ZNF862: variants seen among roughly 807,000 people sequenced by gnomAD.
The protein encoded by ZNF862 is zinc finger protein 862.
A neutral mutation model predicts 91.1 loss-of-function variants in ZNF862; 64 were observed. The ratio of observed to expected loss-of-function variants is 0.70; its 90% CI spans 0.57 to 0.87. The LOEUF (loss-of-function observed/expected upper bound fraction) is 0.87. ZNF862 is among the 40% of genes least tolerant of loss of function. The pLI is 0.00. For missense variants in ZNF862, 1,459 were observed against 1,528.0 expected (o/e 0.95, Z 0.75); for synonymous variants, 631 against 618.1 (o/e 1.02, Z -0.31).
chr7:149,857,647 T>C (rs1342644783), intron 5 of ZNF862, among the ~76,000 whole-genome samples: 2 of 152,194 alleles, frequency 1.3e-5, no homozygotes, highest in Non-Finnish European at 2.9e-5. Context: ...GGAAGCCCTG[T>C]GCATGGCTGC....
intron 2 of ZNF862, 120 bp downstream of exon 2, chr7:149,844,856 A>G (rs1339157503): frequency 3.0e-6 from 2 of 674,556 alleles, no homozygotes; most frequent in Non-Finnish European, 5.3e-6. Context: ...AGGCATCTTT[A>G]CTCCACCTGT....
intron 1 of ZNF862, 48 bp downstream of exon 1, chr7:149,838,683 C>T (rs1801602838): frequency 3.4e-6 from 4 of 1,180,872 alleles, no homozygotes; most frequent in Non-Finnish European, 4.3e-6. Flanking sequence ...CGAGGATCCC[C>T]GAGCCGGGCT....
chr7:149,865,151 T>TC lies in ZNF862; in HGVS notation c.*871dup, dbSNP rs1355908827. On this transcript the variant is annotated 3_prime_UTR_variant, in exon 8 of 8. Transcript: ENST00000223210. Reference sequence around the variant, plus strand: ...AGCAGAGATCCAAGTGCCTGCTGACTCCCCATCTGCCCTAGGATTAGTGAA... The same window carrying TC: ...AGCAGAGATCCAAGTGCCTGCTGACTCCCCCATCTGCCCTAGGATTAGTGAA... The TC allele has an allele frequency of 6.6e-6, 1 of 152,258 alleles. No individual in the cohort carries two copies. The highest frequency in any genetic ancestry group is 1.5e-5 in the Non-Finnish European group (1 of 68,106). The allele number at this position is 152,258 out of a possible 1,614,324, so 9.4% of individuals were successfully genotyped here. A position where few individuals can be genotyped will look rare whatever the true frequency, so the allele number is the denominator to read the frequency against.
rs1347282172 is a variant in ZNF862, at chr7:149,864,889, A to C, written c.*605A>C. On this transcript the variant is annotated 3_prime_UTR_variant, in exon 8 of 8. Transcript: ENST00000223210. ...AAGCCCTTTGCACAGAGCACCCAAGAAAGTTCTCTTCCTGCAGCTCCAGAT... is the reference window on the plus strand; with the variant it reads ...AAGCCCTTTGCACAGAGCACCCAAGCAAGTTCTCTTCCTGCAGCTCCAGAT... 6.6e-6 allele frequency: 1 copy of C among 152,284 alleles called. No individual in the cohort carries two copies. Among genetic ancestry groups the C allele is most frequent in the African/African-American group, 2.4e-5 (1 of 41,454 alleles). The allele number at this position is 152,284 out of a possible 1,614,324, so 9.4% of individuals were successfully genotyped here. A position where few individuals can be genotyped will look rare whatever the true frequency, so the allele number is the denominator to read the frequency against.
In ZNF862 at chr7:149,862,081, G is replaced by T. The variant is rs1365583812; in HGVS notation, c.2921G>T (p.Arg974Met). 6.2e-7 allele frequency: 1 copy of T among 1,613,674 alleles called. No individual in the cohort carries two copies. Among genetic ancestry groups the T allele is most frequent in the Non-Finnish European group, 8.5e-7 (1 of 1,179,890 alleles). ...AATGATGACATTCTCAACCTGGCCA[G>T]GTATTTCGAGTGCTCCCTCCCAACA... is the stretch of plus-strand genomic sequence containing the variant. The part of the protein sequence containing the change: ...FGNDDILNLA[R>M]YFECSLPTGY... Residue 974 changes from arginine (R) to methionine (M), a missense_variant, in exon 7 of 8, where the codon AGG becomes ATG. Arg to Met is a moderately conservative substitution (Grantham distance 91). Coordinates refer to ENST00000223210, the MANE Select transcript of ZNF862 (RefSeq NM_001099220.3).
chr7:149,863,020 G>A (rs950875297), intron 7 of ZNF862, among the ~76,000 whole-genome samples: 1 of 152,222 alleles, frequency 6.6e-6, no homozygotes, highest in South Asian at 2.1e-4. Flanking sequence ...CCATGTGGCT[G>A]TGGAGGAGGT....
Position 149,861,272 on chromosome 7 carries a change from C to T in ZNF862, c.2112C>T (p.Cys704=). The change falls in exon 7 of 8, where the codon TGC becomes TGT. Residue 704 remains cysteine (C), a synonymous_variant. Transcript: ENST00000223210. This position sits in a 1 kb window ranked among gnomAD's most constrained non-coding sequence, Gnocchi z 6.7. The part of the protein sequence containing the change: ...LGTDGSAMLS[C]RGGLVEKFQE... Reference sequence around the variant, plus strand: ...CGGATGGCTCAGCCATGTTGAGCTGCAGAGGAGGCCTTGTGGAAAAGTTCC... The same window carrying T: ...CGGATGGCTCAGCCATGTTGAGCTGTAGAGGAGGCCTTGTGGAAAAGTTCC... The T allele has an allele frequency of 1.2e-6, 2 of 1,612,322 alleles. No individual in the cohort carries two copies. Among genetic ancestry groups the T allele is most frequent in the Non-Finnish European group, 1.7e-6 (2 of 1,179,594 alleles).
intron 3 of ZNF862, 117 bp downstream of exon 3, chr7:149,846,372 TCTC>T (rs944378279): frequency 4.8e-5 from 36 of 753,462 alleles, no homozygotes; most frequent in Admixed American, 1.7e-4. Context: ...ACACTGCTGT[TCTC>T]CTCCCAGGTG....
chr7:149,852,372 T>A (rs866931857), intron 5 of ZNF862, among the ~76,000 whole-genome samples: 73 of 143,842 alleles, frequency 5.1e-4, no homozygotes, highest in East Asian at 1.9e-3. Context: ...TGTGTGTGTG[T>A]GAGAGAGAGA....
At position 149,848,261 on chromosome 7, in the gene ZNF862, GCTC is replaced by G. The variant is rs771743217; in HGVS notation, c.771_773del (p.Leu258del). 2.0e-4 allele frequency: 326 copies of G among 1,612,548 alleles called. No homozygotes were observed. Among genetic ancestry groups the G allele is most frequent in the Non-Finnish European group, 2.7e-4 (317 of 1,179,288 alleles). ...TGGGAGGATTTGATAGCATGGCTGA[GCTC>G]CTGCCAAGTTCAAGAGCTGAACTAG... is the stretch of plus-strand genomic sequence containing the variant. On this transcript the variant is annotated inframe_deletion, in exon 4 of 8. Transcript: ENST00000223210.
intron 1 of ZNF862, among the ~76,000 whole-genome samples, chr7:149,839,007 G>A (rs1431385197): frequency 6.6e-6 from 1 of 152,214 alleles, no homozygotes; most frequent in Non-Finnish European, 1.5e-5. Context: ...GGAGCTGCAG[G>A]GTGGGACGCT....
rs145824499 is a variant in ZNF862 at position 149,846,124 on chromosome 7, C to T, written c.137-27C>T. ...CTTCATAGTGCTTTTCTCTCTCTCT[C>T]GCTCTCTTTTTTTTTTTTGGACTCA... is the stretch of plus-strand genomic sequence containing the variant. On this transcript the variant is annotated intron_variant, in intron 2 of 7. Transcript: ENST00000223210. The T allele has an allele frequency of 5.3e-3, 8,092 of 1,527,324 alleles. 21 individuals carry two copies. The highest frequency in any genetic ancestry group is 6.9e-3 in the Non-Finnish European group (7,602 of 1,108,784). 94.6% of individuals were successfully genotyped at this position (1,527,324 alleles called of 1,614,324 possible).
At chr7:149,840,200 A>T (rs1478650252) in intron 1 of ZNF862, among the ~76,000 whole-genome samples, 2 of 149,744 alleles carry the variant, frequency 1.3e-5, no homozygotes, top group African/African-American at 4.9e-5. Flanking sequence ...AAAAAAAAAA[A>T]AAAAAAAAAA....
Position 149,866,928 on chromosome 7 carries a change from G to C in ZNF862, c.*2644G>C, listed in dbSNP as rs549785488. ...TAGTGCTGGAGACCCCCTTGTTGGAGAGGCTTCCTGTTTATGCCTCACAAG... is the reference window on the plus strand; with the variant it reads ...TAGTGCTGGAGACCCCCTTGTTGGACAGGCTTCCTGTTTATGCCTCACAAG... On this transcript the variant is annotated 3_prime_UTR_variant, in exon 8 of 8. Transcript: ENST00000223210. The C allele has an allele frequency of 6.6e-6, 1 of 152,304 alleles. No homozygotes were observed. Among genetic ancestry groups the C allele is most frequent in the South Asian group, 2.1e-4 (1 of 4,818 alleles). The allele number at this position is 152,304 out of a possible 1,614,324, so 9.4% of individuals were successfully genotyped here.
rs558422264 is a variant in ZNF862 at position 149,849,971 on chromosome 7, C to T, written c.940-190C>T. On this transcript the variant is annotated intron_variant, in intron 4 of 7. Transcript: ENST00000223210. ...TAGGATCTGACCAAGTCTCACTTGG[C>T]TTTTACCTACTAATTCTGGCCTCCT... 2.6e-5 allele frequency among the ~76,000 whole-genome samples: 4 copies of T among 152,306 alleles called. No individual in the cohort carries two copies. The South Asian group carries it at 8.3e-4, about 32-fold the overall frequency.
chr7:149,852,372 TGA>T (rs796413969), intron 5 of ZNF862, among the ~76,000 whole-genome samples: 35,164 of 142,272 alleles, frequency 0.25, 4,647 homozygotes, highest in East Asian at 0.44. Context: ...TGTGTGTGTG[TGA>T]GAGAGAGAGA....
At position 149,850,572 on chromosome 7, in the gene ZNF862, T is replaced by G; in HGVS notation, c.1117+234T>G. The G allele has an allele frequency of 2.0e-6, 1 of 505,474 alleles. No homozygotes were observed. The highest frequency in any genetic ancestry group is 3.5e-6 in the Non-Finnish European group (1 of 283,430). 31.3% of individuals were successfully genotyped at this position (505,474 alleles called of 1,614,324 possible). A position where few individuals can be genotyped will look rare whatever the true frequency, so the allele number is the denominator to read the frequency against. On this transcript the variant is annotated intron_variant, in intron 5 of 7. Coordinates refer to ENST00000223210, the MANE Select transcript of ZNF862 (RefSeq NM_001099220.3). This position sits in a 1 kb window ranked among gnomAD's most constrained non-coding sequence, Gnocchi z 4.2. The stretch of plus-strand genomic sequence containing the variant: ...CCCCCACCAAACATTTTGGAGTACC[T>G]ACTATGTGCCAGATGAACACAGCTG...
intron 5 of ZNF862, among the ~76,000 whole-genome samples, chr7:149,854,757 T>A (rs1172135237): frequency 1.3e-5 from 2 of 152,240 alleles, no homozygotes; most frequent in African/African-American, 4.8e-5. Flanking sequence ...CAGGAGCTGC[T>A]CTCAGGTGCT....
chr7:149,849,248 G>A (rs771500078), intron 4 of ZNF862, among the ~76,000 whole-genome samples: 1 of 152,220 alleles, frequency 6.6e-6, no homozygotes, highest in Admixed American at 6.5e-5. Context: ...GAAGAACACA[G>A]ACTTTGGAGG....
Sources: gnomAD v4.1 joint callset for allele counts (sites outside exome capture counted in the v4.1 genomes callset) on GRCh38, gnomAD v4.1.1 for gene constraint, Gnocchi (gnomAD v3.1) non-coding constraint, MANE v1.5 for transcripts, NCBI Gene and HGNC (gene_info 2026-07-23, HGNC 2026-07-21) for gene names.